Variants in PCDH12 observed in about 807,000 individuals in gnomAD.
PCDH12 encodes the protein protocadherin-12.
In PCDH12, 45 loss-of-function variants were observed where a neutral mutation model predicts 70.9. The observed-to-expected ratio is 0.63, with a 90% CI of 0.50 to 0.81. PCDH12 has a LOEUF of 0.81. PCDH12 is among the 40% of genes least tolerant of loss of function. The probability of loss-of-function intolerance (pLI) is 0.00; values close to 1 mark genes in which losing one functional copy is unlikely to be tolerated. For missense variants in PCDH12, 1,370 were observed against 1,491.7 expected (o/e 0.92, Z 1.34); for synonymous variants, 567 against 626.0 (o/e 0.91, Z 1.41).
rs1752855951 is a variant in PCDH12 at position 141,944,539 on chromosome 5, A to G, written c.*842T>C. The G allele has an allele frequency of 6.6e-6, 1 of 152,194 alleles. No individual in the cohort carries two copies. The highest frequency in any genetic ancestry group is 2.4e-5 in the African/African-American group (1 of 41,430). The allele number at this position is 152,194 out of a possible 1,614,324, so 9.4% of individuals were successfully genotyped here. Reference sequence around the variant, plus strand: ...AAGGCATGGGTTTTGGTGTTGGCCCAGCCTGGGTCCAAATCCTGGCTCTGG... The same window carrying G: ...AAGGCATGGGTTTTGGTGTTGGCCCGGCCTGGGTCCAAATCCTGGCTCTGG... On this transcript the variant is annotated 3_prime_UTR_variant, in exon 4 of 4. Coordinates refer to ENST00000231484, the MANE Select transcript of PCDH12 (RefSeq NM_016580.4).
At position 141,956,323 on chromosome 5, in the gene PCDH12, A is replaced by G. The variant is rs1401110005; in HGVS notation, c.1529T>C (p.Ile510Thr). The G allele has an allele frequency of 4.3e-6, 7 of 1,614,214 alleles. No homozygotes were observed. In the Admixed American group the frequency reaches 5.0e-5, roughly 12 times the overall value. Reference sequence around the variant, plus strand: ...AGTGACCTCTCCTGTGTTGGAGTCAATAGCTACTAAGTGAGCAACTGGGGA... The same window carrying G: ...AGTGACCTCTCCTGTGTTGGAGTCAGTAGCTACTAAGTGAGCAACTGGGGA... ...QDSPVAHLVAIDSNTGEVTAQ... is the reference protein window; with the variant it reads ...QDSPVAHLVATDSNTGEVTAQ... Residue 510 changes from isoleucine (I) to threonine (T), a missense_variant, in exon 1 of 4, where the codon ATT (isoleucine) becomes ACT (threonine). Transcript: ENST00000231484.
At chr5:141,949,687 A>T in intron 2 of PCDH12, 104 bp from the exon 3 acceptor site, 1 of 1,391,606 alleles carries the variant, frequency 7.2e-7, no homozygotes, top group South Asian at 1.4e-5. Flanking sequence ...AGGGAACTGG[A>T]TACACAGCCT....
chr5:141,951,416 T>A (rs2126921988), intron 2 of PCDH12, 77 bp downstream of exon 2: 8 of 1,077,424 alleles, frequency 7.4e-6, no homozygotes, highest in Non-Finnish European at 1.2e-5. Context: ...TCACCCTTCC[T>A]CACTCACAGA....
At position 141,945,197 on chromosome 5, in the gene PCDH12, A is replaced by G. The variant is rs1752875653; in HGVS notation, c.*184T>C. The G allele has an allele frequency of 5.6e-6, 4 of 715,386 alleles. No individual in the cohort carries two copies. The highest frequency in any genetic ancestry group is 1.8e-5 in the African/African-American group (1 of 56,882). 44.3% of individuals were successfully genotyped at this position (715,386 alleles called of 1,614,324 possible). A position where few individuals can be genotyped will look rare whatever the true frequency, so the allele number is the denominator to read the frequency against. On this transcript the variant is annotated 3_prime_UTR_variant, in exon 4 of 4. Transcript: ENST00000231484. ...TCCAAAAGACTCAGAGCTGCTTACA[A>G]GGGGCTGCTTTGGTCAGTCAGCTGT...
intron 3 of PCDH12, among the ~76,000 whole-genome samples, chr5:141,947,024 T>C (rs1007762309): frequency 6.6e-6 from 1 of 152,258 alleles, no homozygotes; most frequent in African/African-American, 2.4e-5. Context: ...AAATGTTAAC[T>C]GAAATTACCT....
At chr5:141,954,873 A>G in intron 1 of PCDH12, 99 bp downstream of exon 1, 1 of 1,445,130 alleles carries the variant, frequency 6.9e-7, no homozygotes, top group Non-Finnish European at 9.3e-7. Flanking sequence ...GGTGAGCCTA[A>G]GGAAGAAACA....
At chr5:141,948,134 C>T (rs1247863271) in intron 3 of PCDH12, among the ~76,000 whole-genome samples, 11 of 152,202 alleles carry the variant, frequency 7.2e-5, no homozygotes, top group Admixed American at 7.2e-4. Context: ...TTTACAGCCA[C>T]ACTGCCTGTG....
At chr5:141,945,828 A>G (rs1752906467) in intron 3 of PCDH12, 23 bp from the exon 4 acceptor site, 3 of 1,598,872 alleles carry the variant, frequency 1.9e-6, no homozygotes, top group East Asian at 4.5e-5. Context: ...GAGGGGACAC[A>G]GTGAGGGCCA....
chr5:141,954,246 G>T (rs185838961), intron 1 of PCDH12, among the ~76,000 whole-genome samples: 2 of 152,286 alleles, frequency 1.3e-5, no homozygotes, highest in South Asian at 2.1e-4. Context: ...TGCCCCATCC[G>T]CAGGCCCAGC....
At position 141,957,209 on chromosome 5, in the gene PCDH12, T is replaced by G. The variant is rs1389877870; in HGVS notation, c.643A>C (p.Thr215Pro). The change falls in exon 1 of 4, where the codon ACT becomes CCT. Residue 215 changes from threonine to proline, a missense_variant. Transcript: ENST00000231484. This position sits in a 1 kb window ranked among gnomAD's most constrained non-coding sequence, Gnocchi z 4.3. ...GGGGGGTTCCCATTGTCATAGGCAG[T>G]TAACACCAGATCAAAAAATGAATGG... ...EIHSFFDLVLTAYDNGNPPKS... is the reference protein window; with the variant it reads ...EIHSFFDLVLPAYDNGNPPKS... The G allele has an allele frequency of 3.1e-6, 5 of 1,614,094 alleles. No homozygotes were observed. The highest frequency in any genetic ancestry group is 4.2e-6 in the Non-Finnish European group (5 of 1,180,052).
rs1753967171 is a variant in PCDH12, at chr5:141,955,593, C to T, written c.2259G>A (p.Arg753=). ...GCTGGCGGTAGGTGGACTCGGCCTC[C>T]CGACAGTTGTAGGCCCTGTTGTCCT... is the stretch of plus-strand genomic sequence containing the variant. ...EKKDNRAYNC[R]EAESTYRQQP... is the part of the protein sequence containing the mutation. Residue 753 remains arginine (R), a synonymous_variant, in exon 1 of 4, where the codon CGG becomes CGA. Coordinates refer to ENST00000231484, the MANE Select transcript of PCDH12 (RefSeq NM_016580.4). The surrounding 1 kb of genome is among the most constrained non-coding windows in gnomAD (Gnocchi z 5.5). 12 of 1,614,168 alleles carry T rather than the reference C, an allele frequency of 7.4e-6. No individual in the cohort carries two copies. The highest frequency in any genetic ancestry group is 1.0e-5 in the Non-Finnish European group (12 of 1,180,016).
chr5:141,953,063 C>T (rs544259040), intron 1 of PCDH12: 1 of 152,426 alleles, frequency 6.6e-6, no homozygotes, highest in Non-Finnish European at 1.5e-5. Flanking sequence ...AGATACCTGC[C>T]ACCCTTTGCT....
Position 141,955,050 on chromosome 5 carries a change from G to C in PCDH12, c.2802C>G (p.Ser934Arg). Residue 934 changes from serine to arginine, a missense_variant, in exon 1 of 4, where the codon AGC becomes AGG. Transcript: ENST00000231484. This position sits in a 1 kb window ranked among gnomAD's most constrained non-coding sequence, Gnocchi z 5.5. ...KESGPRQILR[S>R]LVRLSVAAFA... ...AGGCAGCCACAGACAGCCGGACCAG[G>C]CTCCGCAGGATCTGACGGGGCCCTG... 3.7e-6 allele frequency: 6 copies of C among 1,614,218 alleles called. No individual in the cohort carries two copies. Among genetic ancestry groups the C allele is most frequent in the Non-Finnish European group, 5.1e-6 (6 of 1,180,036 alleles).
intron 2 of PCDH12, 88 bp from the exon 3 acceptor site, chr5:141,949,671 C>A: frequency 6.7e-7 from 1 of 1,491,844 alleles, no homozygotes; most frequent in Non-Finnish European, 9.1e-7. Flanking sequence ...ATTCATTTAC[C>A]CATATAGGGA....
Position 141,955,274 on chromosome 5 carries a change from G to T in PCDH12, c.2578C>A (p.Arg860=). 1.9e-6 allele frequency: 3 copies of T among 1,614,184 alleles called. No homozygotes were observed. The highest frequency in any genetic ancestry group is 2.5e-6 in the Non-Finnish European group (3 of 1,180,030). ...GGCTCGGGAAGGTTCAGGTTCTCCC[G>T]GGAGGCATTCCTCTGCCTGGGATGG... ...FNHPRQRNAS[R]ENLNLPEPQP... Residue 860 remains arginine (R), a synonymous_variant, in exon 1 of 4, where the codon CGG becomes AGG. Coordinates refer to ENST00000231484, the MANE Select transcript of PCDH12 (RefSeq NM_016580.4). This position sits in a 1 kb window ranked among gnomAD's most constrained non-coding sequence, Gnocchi z 5.5.
intron 3 of PCDH12, among the ~76,000 whole-genome samples, chr5:141,949,177 T>G (rs1313088366): frequency 6.6e-6 from 1 of 151,590 alleles, no homozygotes; most frequent in Non-Finnish European, 1.5e-5. Context: ...TGAGCTGTGA[T>G]CATGCTGTGA....
rs367840034 is a variant in PCDH12, at chr5:141,956,427, G to A, written c.1425C>T (p.Pro475=). 15 of 1,614,130 alleles carry A rather than the reference G, an allele frequency of 9.3e-6. No individual in the cohort carries two copies. The African/African-American group carries it at 1.6e-4, about 17-fold the overall frequency. ...CCTTGATGGTAATGAGGTGAAGAGA[G>A]GGTAAGTTGTTTTCCCGCGTGGAGA... is the stretch of plus-strand genomic sequence containing the variant. ...YEVSTRENNL[P]SLHLITIKAH... Residue 475 remains proline (P), a synonymous_variant, in exon 1 of 4, where the codon CCC becomes CCT. Coordinates refer to ENST00000231484, the MANE Select transcript of PCDH12 (RefSeq NM_016580.4).
rs746170608 is a variant in PCDH12, at chr5:141,956,821, TCCAGAA to T, written c.1025_1030del (p.Val342_Leu343del). ...GATGCTTGGGATGTTGTCATTGACA[TCCAGAA>T]CCTTGATGAGAACTTTGCAATGGGC... is the stretch of plus-strand genomic sequence containing the variant. On this transcript the variant is annotated inframe_deletion, in exon 1 of 4. Transcript: ENST00000231484. The T allele has an allele frequency of 6.2e-7, 1 of 1,614,256 alleles. No homozygotes were observed. The highest frequency in any genetic ancestry group is 1.1e-5 in the South Asian group (1 of 91,090).
rs909071648 is a variant in PCDH12, at chr5:141,945,501, G to A, written c.3435C>T (p.Thr1145=). ...ALRRLSVCGR[T]LSLDLATSAA... is the part of the protein sequence containing the mutation. ...CACTGGTGGCCAAGTCTAAACTGAG[G>A]GTCCTCCCGCAGACCGAGAGCCGCC... The change falls in exon 4 of 4, where the codon ACC becomes ACT. Residue 1145 remains threonine (T), a synonymous_variant. Coordinates refer to ENST00000231484, the MANE Select transcript of PCDH12 (RefSeq NM_016580.4). The A allele has an allele frequency of 6.2e-7, 1 of 1,613,618 alleles. No homozygotes were observed. Among genetic ancestry groups the A allele is most frequent in the Non-Finnish European group, 8.5e-7 (1 of 1,179,834 alleles).
Sources: allele counts gnomAD v4.1 joint callset (sites outside exome capture counted in the v4.1 genomes callset), GRCh38; gene constraint gnomAD v4.1.1; non-coding constraint Gnocchi (gnomAD v3.1); transcripts MANE v1.5; gene names NCBI Gene and HGNC (gene_info 2026-07-23, HGNC 2026-07-21).